The following STAG2 variants were observed in gnomAD, a reference collection of about 807,000 sequenced individuals.
STAG2 encodes the protein STAG2 cohesin complex component.
Under a neutral mutation model 108.1 loss-of-function variants are expected in STAG2, and 14 were observed. The ratio of observed to expected loss-of-function variants is 0.13; its 90% confidence interval spans 0.09 to 0.20. The LOEUF (loss-of-function observed/expected upper bound fraction) is 0.20. Among genes scored for constraint, STAG2 ranks in the 10% least tolerant of loss-of-function variants. The pLI, the probability that STAG2 is intolerant of heterozygous loss-of-function variation, is 1.00. For synonymous variants in STAG2, 307 were observed against 302.7 expected (o/e 1.01, Z -0.15); for missense variants, 440 against 940.9 (o/e 0.47, Z 6.96).
chrX:124,023,906 A>G (rs2057012497), intron 3 of STAG2, among the ~76,000 whole-genome samples: 1 of 111,457 alleles, frequency 9.0e-6, no homozygotes, highest in South Asian at 3.8e-4. Context: ...AGTAAAGAGG[A>G]ATGGAAGATT....
intron 1 of STAG2, among the ~76,000 whole-genome samples, chrX:124,006,029 T>A (rs1007371473): frequency 4.5e-5 from 5 of 111,078 alleles, no homozygotes; most frequent in African/African-American, 1.6e-4. Flanking sequence ...TTTATTAGAG[T>A]ACCACTCATA....
chrX:123,973,291 C>T (rs2054453938), intron 1 of STAG2, among the ~76,000 whole-genome samples: 1 of 109,907 alleles, frequency 9.1e-6, no homozygotes, highest in Non-Finnish European at 1.9e-5. Flanking sequence ...GCCTGTAATC[C>T]CAGCACTTTG....
chrX:124,071,239 C>T lies in STAG2; in HGVS notation c.2449C>T (p.Pro817Ser). 1 of 1,204,971 alleles carries T rather than the reference C, an allele frequency of 8.3e-7. No homozygotes were observed. The highest frequency in any genetic ancestry group is 2.2e-5 in the Admixed American group (1 of 45,371). The change falls in exon 25 of 35, where the codon CCT becomes TCT. Residue 817 changes from proline (P) to serine (S), a missense_variant. Pro to Ser is a moderately conservative substitution (Grantham distance 74). This residue lies in a region of STAG2 where 337 missense variants were observed against 649.3 expected (regional missense o/e 0.52). Transcript: ENST00000371145. ...CATGTTAGAGCCATTAGTGTATACC[C>T]CTGATTCTTCATTGCAGTCTGAGTT... ...RDMLEPLVYT[P>S]DSSLQSELLS...
intron 28 of STAG2, 133 bp downstream of exon 28, chrX:124,081,661 C>T: frequency 2.0e-6 from 1 of 495,877 alleles, no homozygotes; most frequent in Non-Finnish European, 3.1e-6. Context: ...TCTACCCTAT[C>T]TCCTTTCTTA....
chrX:123,985,033 A>T (rs370687907), intron 1 of STAG2, among the ~76,000 whole-genome samples: 14 of 111,998 alleles, frequency 1.3e-4, no homozygotes, highest in African/African-American at 4.5e-4. Flanking sequence ...CTTAAACATC[A>T]GTCTATGAAG....
intron 27 of STAG2, among the ~76,000 whole-genome samples, chrX:124,078,390 T>C (rs1367094782): frequency 8.9e-6 from 1 of 112,053 alleles, no homozygotes; most frequent in African/African-American, 3.2e-5. Flanking sequence ...AAAGTTGATA[T>C]ACAAAGTTGT....
intron 34 of STAG2, among the ~76,000 whole-genome samples, chrX:124,099,758 G>C (rs1472045161): frequency 4.5e-5 from 5 of 111,381 alleles, no homozygotes; most frequent in Non-Finnish European, 9.4e-5. Context: ...GTTCTTAATA[G>C]CTTATTATAG....
intron 1 of STAG2, among the ~76,000 whole-genome samples, chrX:123,999,167 G>T (rs2055906132): frequency 9.0e-6 from 1 of 111,377 alleles, no homozygotes; most frequent in Non-Finnish European, 1.9e-5. Flanking sequence ...ACATATATAT[G>T]TGCCATTAAA....
chrX:123,965,819 A>C (rs1346163392), intron 1 of STAG2, among the ~76,000 whole-genome samples: 1 of 109,733 alleles, frequency 9.1e-6, no homozygotes, highest in Non-Finnish European at 1.9e-5. Flanking sequence ...CCTGGGCAAC[A>C]TAGGGAGACC....
chrX:124,060,955 A>AAT (rs948358805), intron 15 of STAG2, among the ~76,000 whole-genome samples: 47 of 107,632 alleles, frequency 4.4e-4, no homozygotes, highest in Non-Finnish European at 7.6e-4. Context: ...ATTTATTATA[A>AAT]ATATATATAT....
At chrX:124,034,881 A>G (rs1385245057) in intron 5 of STAG2, among the ~76,000 whole-genome samples, 19 of 77,802 alleles carry the variant, frequency 2.4e-4, no homozygotes, top group African/African-American at 6.1e-4. Flanking sequence ...TGTTGTTGTT[A>G]TTATTATTAT....
At chrX:124,007,130 C>T (rs1014105852) in intron 1 of STAG2, among the ~76,000 whole-genome samples, 3 of 104,773 alleles carry the variant, frequency 2.9e-5, no homozygotes, top group African/African-American at 1.0e-4. Flanking sequence ...TCTCTTTCTT[C>T]CCTCCCCCTC....
chrX:123,964,403 G>T (rs1319051268), intron 1 of STAG2, among the ~76,000 whole-genome samples: 1 of 111,947 alleles, frequency 8.9e-6, no homozygotes, highest in Non-Finnish European at 1.9e-5. Context: ...AATTCCATTT[G>T]CAATTTTTGT....
chrX:124,086,226 A>T (rs1202334556), intron 29 of STAG2, among the ~76,000 whole-genome samples: 1 of 111,635 alleles, frequency 9.0e-6, no homozygotes, highest in Non-Finnish European at 1.9e-5. Flanking sequence ...AATTACATAT[A>T]AGCCTTGAGA....
chrX:123,989,506 T>A (rs1206994864), intron 1 of STAG2, among the ~76,000 whole-genome samples: 1 of 111,445 alleles, frequency 9.0e-6, no homozygotes, highest in African/African-American at 3.3e-5. Flanking sequence ...CTTTTAGAAA[T>A]GCAAAAATTT....
chrX:124,030,629 C>G (rs1008664387), intron 4 of STAG2, among the ~76,000 whole-genome samples: 1 of 111,733 alleles, frequency 8.9e-6, no homozygotes, highest in Non-Finnish European at 1.9e-5. Flanking sequence ...CCTCACTTTA[C>G]AAATTAGAAA....
intron 1 of STAG2, among the ~76,000 whole-genome samples, chrX:123,994,451 T>C (rs1469738028): frequency 8.9e-6 from 1 of 111,754 alleles, no homozygotes; most frequent in African/African-American, 3.3e-5. Context: ...CCAAAGCAAA[T>C]GCCTATTGCT....
intron 8 of STAG2, among the ~76,000 whole-genome samples, chrX:124,046,465 G>A (rs1328881143): frequency 8.9e-6 from 1 of 111,794 alleles, no homozygotes; most frequent in Non-Finnish European, 1.9e-5. Flanking sequence ...GTGACAGACT[G>A]GTTTGCTGGG....
At chrX:124,071,664 T>G (rs2058668250) in intron 25 of STAG2, among the ~76,000 whole-genome samples, 1 of 112,066 alleles carries the variant, frequency 8.9e-6, no homozygotes. Context: ...CCTCTTGCCC[T>G]TATTCATTGG....
Sources: allele counts gnomAD v4.1 joint callset (sites outside exome capture counted in the v4.1 genomes callset), GRCh38; gene constraint gnomAD v4.1.1; regional missense constraint gnomAD v4.1.1; transcripts MANE v1.5; gene names NCBI Gene and HGNC (gene_info 2026-07-23, HGNC 2026-07-21).